CFAP65: variants seen among roughly 807,000 people sequenced by gnomAD.
The protein encoded by CFAP65 is cilia- and flagella-associated protein 65.
CFAP65 carries 155 observed loss-of-function variants against 208.0 expected under a neutral mutation model. The observed-to-expected ratio is 0.75, with a 90% CI of 0.65 to 0.85. The LOEUF is 0.85. Ranked by LOEUF, CFAP65 falls within the 40% of genes least tolerant of loss-of-function variation. The pLI is 0.00. For missense variants in CFAP65, 2,294 were observed against 2,451.3 expected (o/e 0.94, Z 1.36); for synonymous variants, 970 against 986.3 (o/e 0.98, Z 0.31).
At position 219,032,571 on chromosome 2, in the gene CFAP65, G is replaced by A. The variant is rs763579569; in HGVS notation, c.544C>T (p.Pro182Ser). The A allele has an allele frequency of 3.1e-6, 5 of 1,591,060 alleles. No individual in the cohort carries two copies. The South Asian group carries it at 4.6e-5, about 15-fold the overall frequency. Residue 182 changes from proline to serine, a missense_variant and splice_region_variant, in exon 6 of 35, where the codon CCC becomes TCC. This residue lies in a region of CFAP65 where 867 missense variants were observed against 1,012.6 expected (regional missense o/e 0.86). Coordinates refer to ENST00000341552, the MANE Select transcript of CFAP65 (RefSeq NM_194302.4). This position sits in a 1 kb window ranked among gnomAD's most constrained non-coding sequence, Gnocchi z 5.5. ...GTGAAGAAGAACTTGGTCTTGGGGG[G>A]CCTGCAGGAGAGAGCCGGTGGGGAG... ...SLKLQKMKYRPPKTKFFFTVI... is the reference protein window; with the variant it reads ...SLKLQKMKYRSPKTKFFFTVI...
chr2:219,024,294 CT>C, intron 14 of CFAP65, 34 bp from the exon 15 acceptor site: 1 of 1,586,990 alleles, frequency 6.3e-7, no homozygotes, highest in Non-Finnish European at 8.6e-7. Context: ...CGGCCCCCCG[CT>C]CAGACCTCCA....
At position 219,031,487 on chromosome 2, in the gene CFAP65, A is replaced by G; in HGVS notation, c.815+2T>C. 2 of 1,613,848 alleles carry G rather than the reference A, an allele frequency of 1.2e-6. No individual in the cohort carries two copies. The highest frequency in any genetic ancestry group is 2.2e-5 in the South Asian group (2 of 91,056). Reference sequence around the variant, plus strand: ...CCCGCCGCACCTCAGCCTCTTCCTCACCCCACATTATCCAGGCAGAAAAAG... The same window carrying G: ...CCCGCCGCACCTCAGCCTCTTCCTCGCCCCACATTATCCAGGCAGAAAAAG... On this transcript the variant is annotated splice_donor_variant, in intron 7 of 34. Transcript: ENST00000341552. LOFTEE classifies it high-confidence loss of function. This position sits in a 1 kb window ranked among gnomAD's most constrained non-coding sequence, Gnocchi z 5.2.
rs1948112584 is a variant in CFAP65 at position 219,032,463 on chromosome 2, A to G, written c.645+7T>C. The G allele has an allele frequency of 6.3e-7, 1 of 1,578,204 alleles. No homozygotes were observed. Among genetic ancestry groups the G allele is most frequent in the Non-Finnish European group, 8.6e-7 (1 of 1,161,604 alleles). On this transcript the variant is annotated splice_region_variant and intron_variant, in intron 6 of 34. Transcript: ENST00000341552. The surrounding 1 kb of genome is among the most constrained non-coding windows in gnomAD (Gnocchi z 5.5). ...TCCCTGCCCTCACTCGCTGTGGCAG[A>G]CCTTACCGCCTCCAGAGGCCGGAAG...
Position 219,013,430 on chromosome 2 carries a change from C to T in CFAP65, c.3847-61G>A, listed in dbSNP as rs1946620778. ...GCCAGTGGAGATCTGGACCCCAGTT[C>T]CCCAGGAGAACACAGCTCCCTGCTC... On this transcript the variant is annotated intron_variant, in intron 23 of 34. Coordinates refer to ENST00000341552, the MANE Select transcript of CFAP65 (RefSeq NM_194302.4). 6 of 1,543,460 alleles carry T rather than the reference C, an allele frequency of 3.9e-6. No individual in the cohort carries two copies. In the South Asian group the frequency reaches 4.7e-5, roughly 12 times the overall value.
At chr2:219,013,686 C>T in intron 22 of CFAP65, 101 bp from the exon 23 acceptor site, 1 of 1,271,264 alleles carries the variant, frequency 7.9e-7, no homozygotes, top group Non-Finnish European at 1.1e-6. Flanking sequence ...CTGGCCAGCC[C>T]CTGGGAGCAA....
At position 219,010,603 on chromosome 2, in the gene CFAP65, G is replaced by A. The variant is rs1184017059; in HGVS notation, c.4251C>T (p.His1417=). ...AACTGTTGTCCCACGAGGAGATGTT[G>A]TGGAATGGGGCTGTGTCCCCCATCA... is the stretch of plus-strand genomic sequence containing the variant. ...PHMMGDTAPF[H]NISSWDNSSI... is the part of the protein sequence containing the mutation. The change falls in exon 26 of 35, where the codon CAC becomes CAT. Residue 1417 remains histidine, a synonymous_variant. Coordinates refer to ENST00000341552, the MANE Select transcript of CFAP65 (RefSeq NM_194302.4). 1 of 1,611,878 alleles carries A rather than the reference G, an allele frequency of 6.2e-7. No individual in the cohort carries two copies. The highest frequency in any genetic ancestry group is 1.3e-5 in the African/African-American group (1 of 74,876).
In CFAP65 at chr2:219,010,811, G is replaced by A; in HGVS notation, c.4143C>T (p.Thr1381=). The A allele has an allele frequency of 6.2e-7, 1 of 1,606,562 alleles. No homozygotes were observed. Among genetic ancestry groups the A allele is most frequent in the South Asian group, 1.1e-5 (1 of 90,630 alleles). ...CATCCAGGTTGCTGCTCACCGTGTAGGTCTTGGCCTCGATAGGTGAGAAGA... is the reference window on the plus strand; with the variant it reads ...CATCCAGGTTGCTGCTCACCGTGTAAGTCTTGGCCTCGATAGGTGAGAAGA... ...LWIFSPIEAK[T]YTVDVPIHIL... is the part of the protein sequence containing the mutation. The change falls in exon 25 of 35, where the codon ACC becomes ACT. Residue 1381 remains threonine, a synonymous_variant. Transcript: ENST00000341552.
intron 21 of CFAP65, among the ~76,000 whole-genome samples, chr2:219,017,962 C>T (rs1007321972): frequency 6.6e-6 from 1 of 152,164 alleles, no homozygotes; most frequent in African/African-American, 2.4e-5. Flanking sequence ...CAGACAGGAG[C>T]CCCCTAAAGA....
At position 219,032,328 on chromosome 2, in the gene CFAP65, G is replaced by C. The variant is rs574701176; in HGVS notation, c.645+142C>G. ...TGAGATGAGGGGCTAAGCCCTTGAC[G>C]GGGCCTCCCAAGCTGGATTGCTGCT... On this transcript the variant is annotated intron_variant, in intron 6 of 34. Transcript: ENST00000341552. The surrounding 1 kb of genome is among the most constrained non-coding windows in gnomAD (Gnocchi z 5.5). The C allele has an allele frequency of 7.7e-6, 5 of 649,688 alleles. No individual in the cohort carries two copies. The highest frequency in any genetic ancestry group is 1.3e-5 in the Non-Finnish European group (5 of 383,644). 40.2% of individuals were successfully genotyped at this position (649,688 alleles called of 1,614,324 possible). A position where few individuals can be genotyped will look rare whatever the true frequency, so the allele number is the denominator to read the frequency against.
chr2:219,018,833 G>C (rs113664829), intron 21 of CFAP65: 1 of 618,736 alleles, frequency 1.6e-6, no homozygotes, highest in Non-Finnish European at 2.9e-6. Flanking sequence ...CAGTCCCACC[G>C]CTTCTGAGCC....
At position 219,004,474 on chromosome 2, in the gene CFAP65, G is replaced by A. The variant is rs1465255828; in HGVS notation, c.5052-19C>T. The A allele has an allele frequency of 1.3e-6, 2 of 1,586,688 alleles. No homozygotes were observed. Among genetic ancestry groups the A allele is most frequent in the African/African-American group, 1.3e-5 (1 of 74,378 alleles). ...CAGGCCCCTAGGTGGCAGGGAGAAG[G>A]AGAAGGCCCTTGCTGAGGGGCCCTG... On this transcript the variant is annotated intron_variant, in intron 32 of 34. Coordinates refer to ENST00000341552, the MANE Select transcript of CFAP65 (RefSeq NM_194302.4). The surrounding 1 kb of genome is among the most constrained non-coding windows in gnomAD (Gnocchi z 4.7).
At chr2:219,038,787 A>G in intron 3 of CFAP65, 109 bp downstream of exon 3, 1 of 1,301,630 alleles carries the variant, frequency 7.7e-7, no homozygotes, top group South Asian at 1.4e-5. Context: ...CAGGGAAGGC[A>G]CTCCAAAGAG....
intron 2 of CFAP65, chr2:219,039,330 T>C (rs1948546198): frequency 4.3e-6 from 1 of 230,468 alleles, no homozygotes; most frequent in East Asian, 8.4e-5. Flanking sequence ...CCCCTCTTCC[T>C]TTAGCTGGCT....
chr2:219,026,544 G>T (rs537742406), intron 13 of CFAP65: 54 of 173,050 alleles, frequency 3.1e-4, no homozygotes, highest in African/African-American at 1.3e-3. Context: ...TAAAACACGT[G>T]AAGTTAATGT....
At chr2:219,039,989 G>C (rs548199230) in intron 2 of CFAP65, among the ~76,000 whole-genome samples, 8 of 151,952 alleles carry the variant, frequency 5.3e-5, no homozygotes, top group Non-Finnish European at 1.2e-4. Flanking sequence ...GTGCCAGGCA[G>C]TGTTGTAAAG....
At chr2:219,021,600 C>T (rs1947267432) in intron 18 of CFAP65, among the ~76,000 whole-genome samples, 180 bp downstream of exon 18, 1 of 152,154 alleles carries the variant, frequency 6.6e-6, no homozygotes, top group Admixed American at 6.5e-5. Context: ...AGTGGCTCTT[C>T]ACAGTTGTGA....
At chr2:219,020,119 T>G (rs1452452507) in intron 19 of CFAP65, among the ~76,000 whole-genome samples, 1 of 151,774 alleles carries the variant, frequency 6.6e-6, no homozygotes, top group Non-Finnish European at 1.5e-5. Context: ...ATTTTCATCA[T>G]CCCAAATAGA....
At chr2:219,023,115 G>T in intron 16 of CFAP65, 92 bp downstream of exon 16, 2 of 1,056,206 alleles carry the variant, frequency 1.9e-6, no homozygotes, top group East Asian at 2.5e-5. Flanking sequence ...GGAATTGGGG[G>T]CTGCACATGG....
At position 219,041,383 on chromosome 2, in the gene CFAP65, C is replaced by A. The variant is rs903480399; in HGVS notation, c.-49+105G>T. On this transcript the variant is annotated intron_variant, in intron 1 of 34. Transcript: ENST00000341552. ...TGAAGGGCATGGAGGGGACCTCTGG[C>A]CACGATTTCCCGAAGGATAGGGTCT... 2.0e-5 allele frequency: 26 copies of A among 1,292,370 alleles called. No individual in the cohort carries two copies. The African/African-American group carries it at 3.4e-4, about 17-fold the overall frequency. 80.1% of individuals were successfully genotyped at this position (1,292,370 alleles called of 1,614,324 possible).
Sources: allele counts gnomAD v4.1 joint callset (sites outside exome capture counted in the v4.1 genomes callset), GRCh38; gene constraint gnomAD v4.1.1; regional missense constraint gnomAD v4.1.1; non-coding constraint Gnocchi (gnomAD v3.1); transcripts MANE v1.5; gene names NCBI Gene and HGNC (gene_info 2026-07-23, HGNC 2026-07-21).